The following SPTBN1 variants were observed in gnomAD, a reference collection of about 807,000 sequenced individuals.
The protein encoded by SPTBN1 is spectrin beta chain, non-erythrocytic 1.
SPTBN1 carries 32 observed loss-of-function variants against 266.4 expected under a neutral mutation model. The ratio of observed to expected loss-of-function variants is 0.12; its 90% CI spans 0.09 to 0.16. The LOEUF (loss-of-function observed/expected upper bound fraction) is 0.16, where lower values mean the gene tolerates loss of function less well. SPTBN1 is among the 10% of genes least tolerant of loss of function. SPTBN1 has a pLI of 1.00. For missense variants in SPTBN1, 2,296 were observed against 3,067.1 expected, an observed-to-expected ratio of 0.75 and a Z score of 5.94; for synonymous variants, 1,336 against 1,162.2, an observed-to-expected ratio of 1.15 and a Z score of -3.04.
chr2:54,542,638 G>A (rs1028878318), intron 2 of SPTBN1, among the ~76,000 whole-genome samples: 2 of 152,132 alleles, frequency 1.3e-5, no homozygotes, highest in Non-Finnish European at 1.5e-5. Context: ...GTGAAGGAAG[G>A]CACAGGGAGG....
chr2:54,614,418 TG>T (rs1390817472), intron 4 of SPTBN1, among the ~76,000 whole-genome samples: 1 of 152,094 alleles, frequency 6.6e-6, no homozygotes, highest in African/African-American at 2.4e-5. Context: ...GTGCTCTCAT[TG>T]CTACCAGGAT....
chr2:54,664,367 C>A lies in SPTBN1; in HGVS notation c.6421-86C>A, dbSNP rs145899688. 76 of 1,368,688 alleles carry A rather than the reference C, an allele frequency of 5.6e-5. 1 individual carries two copies. In the African/African-American group the frequency reaches 8.4e-4, roughly 15 times the overall value. 84.8% of individuals were successfully genotyped at this position (1,368,688 alleles called of 1,614,324 possible). ...TCGATCTGTGCCAGGCATTTATACA[C>A]AGCCACATGTGCGAGTCAGGTAGAG... On this transcript the variant is annotated intron_variant, in intron 32 of 35. Coordinates refer to ENST00000356805, the MANE Select transcript of SPTBN1 (RefSeq NM_003128.3). The surrounding 1 kb of genome is among the most constrained non-coding windows in gnomAD (Gnocchi z 5.6).
At chr2:54,568,298 C>T (rs982907204) in intron 2 of SPTBN1, among the ~76,000 whole-genome samples, 7 of 138,718 alleles carry the variant, frequency 5.0e-5, no homozygotes, top group African/African-American at 1.4e-4. Context: ...TGCAGTGAGT[C>T]GAGATTGCAC....
chr2:54,588,616 G>A (rs1040698221), intron 2 of SPTBN1, among the ~76,000 whole-genome samples: 9 of 152,118 alleles, frequency 5.9e-5, no homozygotes, highest in Non-Finnish European at 1.3e-4. Flanking sequence ...AATGAAGGAG[G>A]GAAAGTGAGT....
chr2:54,663,858 A>C (rs572832284), intron 32 of SPTBN1: 1 of 152,316 alleles, frequency 6.6e-6, no homozygotes, highest in African/African-American at 2.4e-5. Flanking sequence ...CTGGGATGGT[A>C]GATGTGAAAT....
intron 2 of SPTBN1, among the ~76,000 whole-genome samples, chr2:54,546,234 T>C (rs898419772): frequency 1.3e-5 from 2 of 152,214 alleles, no homozygotes; most frequent in Admixed American, 1.3e-4. Context: ...GCCCTTATTA[T>C]GGCAAAATTA....
At position 54,629,094 on chromosome 2, in the gene SPTBN1, A is replaced by G. The variant is rs745680989; in HGVS notation, c.1960A>G (p.Ile654Val). 7.1e-5 allele frequency: 114 copies of G among 1,613,632 alleles called. No homozygotes were observed. The highest frequency in any genetic ancestry group is 9.2e-5 in the Non-Finnish European group (108 of 1,179,934). The change falls in exon 14 of 36, where the codon ATA becomes GTA. Residue 654 changes from isoleucine (I) to valine (V), a missense_variant. Transcript: ENST00000356805. ...GGAGATGGCAGAAGAGGAAGGCTGG[A>G]TACGGGAGAAGGAGAAGATCCTGTC... ...FWEMAEEEGW[I>V]REKEKILSSD...
intron 16 of SPTBN1, 26 bp from the exon 17 acceptor site, chr2:54,632,540 A>G (rs1678821370): frequency 1.2e-6 from 2 of 1,611,020 alleles, no homozygotes; most frequent in East Asian, 2.2e-5. Flanking sequence ...TTGATCTGCT[A>G]TGATTTGTTC....
intron 1 of SPTBN1, among the ~76,000 whole-genome samples, chr2:54,483,046 G>A (rs1194426603): frequency 6.6e-6 from 1 of 152,198 alleles, no homozygotes; most frequent in African/African-American, 2.4e-5. Context: ...AGGAGGCCGG[G>A]CCAGGGAAGA....
intron 2 of SPTBN1, among the ~76,000 whole-genome samples, chr2:54,536,964 C>G (rs1671645090): frequency 6.6e-6 from 1 of 152,166 alleles, no homozygotes; most frequent in Non-Finnish European, 1.5e-5. Flanking sequence ...GCCCAGGAGG[C>G]TGAGGCTACA....
intron 1 of SPTBN1, among the ~76,000 whole-genome samples, chr2:54,497,387 AAG>A (rs1301207373): frequency 1.1e-4 from 17 of 152,178 alleles, no homozygotes; most frequent in African/African-American, 3.4e-4. Flanking sequence ...GTTTTCCACT[AAG>A]CTCACTTGAG....
intron 8 of SPTBN1, among the ~76,000 whole-genome samples, 177 bp downstream of exon 8, chr2:54,621,689 A>G (rs147854055): frequency 6.6e-6 from 1 of 152,338 alleles, no homozygotes; most frequent in South Asian, 2.1e-4. Flanking sequence ...AGAGATGGCC[A>G]CCATATTTAG....
intron 8 of SPTBN1, 91 bp from the exon 9 acceptor site, chr2:54,622,209 G>A (rs1012576649): frequency 1.4e-5 from 20 of 1,394,778 alleles, no homozygotes; most frequent in East Asian, 2.3e-5. Context: ...AAAGCCGGTC[G>A]TTTTGTGTGC....
At chr2:54,599,760 G>C (rs566672984) in intron 3 of SPTBN1, among the ~76,000 whole-genome samples, 1 of 152,286 alleles carries the variant, frequency 6.6e-6, no homozygotes, top group African/African-American at 2.4e-5. Flanking sequence ...CTTGGGAAAG[G>C]AGCTTCTGAT....
rs762410367 is a variant in SPTBN1 at position 54,631,000 on chromosome 2, G to A, written c.2953G>A (p.Gly985Ser). Residue 985 changes from glycine to serine, a missense_variant, in exon 16 of 36, where the codon GGC becomes AGC. Around this residue, in one of 12 missense-constraint regions of SPTBN1, gnomAD observed 128 missense variants for 176.5 expected, o/e 0.73. Coordinates refer to ENST00000356805, the MANE Select transcript of SPTBN1 (RefSeq NM_003128.3). ...TKVIESTQDL[G>S]NDLAGVMALQ... Reference sequence around the variant, plus strand: ...GGTCATCGAGTCCACCCAGGACCTGGGCAATGACCTGGCTGGCGTCATGGC... The same window carrying A: ...GGTCATCGAGTCCACCCAGGACCTGAGCAATGACCTGGCTGGCGTCATGGC... The A allele has an allele frequency of 3.7e-6, 6 of 1,614,156 alleles. No individual in the cohort carries two copies. The highest frequency in any genetic ancestry group is 2.2e-5 in the East Asian group (1 of 44,876).
chr2:54,608,710 G>A lies in SPTBN1; in HGVS notation c.301-3451G>A, dbSNP rs151078802. ...TGTGTGCATGCGCGCACGAGTGCGC[G>A]CATGCACACACACAGTGGATCCTTG... On this transcript the variant is annotated intron_variant, in intron 3 of 35. Transcript: ENST00000356805. Among the ~76,000 whole-genome samples, 197 of 151,454 alleles carry A rather than the reference G, an allele frequency of 1.3e-3. 4 individuals are homozygous for A. The South Asian group carries it at 0.035, about 27-fold the overall frequency.
intron 7 of SPTBN1, 119 bp from the exon 8 acceptor site, chr2:54,621,281 A>G: frequency 1.6e-6 from 1 of 616,968 alleles, no homozygotes; most frequent in South Asian, 2.4e-5. Flanking sequence ...ACACTCAGGT[A>G]CAAACATGAA....
At chr2:54,578,543 C>G (rs1426521161) in intron 2 of SPTBN1, among the ~76,000 whole-genome samples, 1 of 152,136 alleles carries the variant, frequency 6.6e-6, no homozygotes, top group East Asian at 1.9e-4. Flanking sequence ...TTTGAGTTTC[C>G]CCATAGCAGA....
At chr2:54,632,792 G>A (rs1678842767) in intron 17 of SPTBN1, 24 bp downstream of exon 17, 5 of 1,612,370 alleles carry the variant, frequency 3.1e-6, no homozygotes, top group Non-Finnish European at 4.2e-6. Context: ...AGGTTCTTAA[G>A]GGAGCCTTGC....
Sources: allele counts gnomAD v4.1 joint callset (sites outside exome capture counted in the v4.1 genomes callset), GRCh38; gene constraint gnomAD v4.1.1; regional missense constraint gnomAD v4.1.1; non-coding constraint Gnocchi (gnomAD v3.1); transcripts MANE v1.5; gene names NCBI Gene and HGNC (gene_info 2026-07-23, HGNC 2026-07-21).